ARRB1: variants seen among roughly 807,000 people sequenced by gnomAD.
The protein encoded by ARRB1 is beta-arrestin-1.
A neutral mutation model predicts 56.8 loss-of-function variants in ARRB1; 21 were observed. The observed-to-expected ratio is 0.37, with a 90% CI of 0.26 to 0.53. The LOEUF is 0.53. Ranked by LOEUF, ARRB1 falls within the 20% of genes least tolerant of loss-of-function variation. The pLI is 0.88. For missense variants in ARRB1, 424 were observed against 553.7 expected (o/e 0.77, Z 2.35); for synonymous variants, 210 against 218.6 (o/e 0.96, Z 0.35).
At chr11:75,347,556 CT>C (rs1947790593) in intron 1 of ARRB1, among the ~76,000 whole-genome samples, 1 of 152,228 alleles carries the variant, frequency 6.6e-6, no homozygotes, top group Non-Finnish European at 1.5e-5. Flanking sequence ...GGACGCACAA[CT>C]TGAGGCTGGG....
intron 1 of ARRB1, among the ~76,000 whole-genome samples, chr11:75,318,147 C>CTTT (rs547084580): frequency 3.3e-4 from 25 of 76,904 alleles, no homozygotes; most frequent in Non-Finnish European, 5.1e-4. Flanking sequence ...GCATTTCTAA[C>CTTT]TTTTTTTTTT....
intron 1 of ARRB1, among the ~76,000 whole-genome samples, chr11:75,313,886 T>C (rs1947215923): frequency 6.6e-6 from 1 of 152,154 alleles, no homozygotes. Context: ...GGCTATTGAG[T>C]GCTTCTTACG....
At position 75,290,835 on chromosome 11, in the gene ARRB1, A is replaced by T. The variant is rs181095910; in HGVS notation, c.21-796T>A. On this transcript the variant is annotated intron_variant, in intron 1 of 15. Coordinates refer to ENST00000420843, the MANE Select transcript of ARRB1 (RefSeq NM_004041.5). The stretch of plus-strand genomic sequence containing the variant: ...TGCTCAGCTGCTCTCAGACTCCTGG[A>T]CTCAAGCGATCTGCCCACCTCGACT... Among the ~76,000 whole-genome samples the T allele has an allele frequency of 5.3e-5, 8 of 152,162 alleles. No individual in the cohort carries two copies. In the East Asian group the frequency reaches 1.5e-3, roughly 29 times the overall value.
chr11:75,282,771 C>T (rs1372978510), intron 5 of ARRB1, among the ~76,000 whole-genome samples: 1 of 152,234 alleles, frequency 6.6e-6, no homozygotes. Context: ...TGACCCTCTC[C>T]ACTCTCTCAG....
intron 7 of ARRB1, among the ~76,000 whole-genome samples, chr11:75,279,601 C>T (rs574180479): frequency 6.6e-6 from 1 of 152,320 alleles, no homozygotes; most frequent in South Asian, 2.1e-4. Context: ...CTCTCTCTGC[C>T]TCTGTTCCCT....
intron 1 of ARRB1, 21 bp downstream of exon 1, chr11:75,351,567 G>A (rs987673701): frequency 4.7e-6 from 7 of 1,498,932 alleles, no homozygotes; most frequent in Non-Finnish European, 5.3e-6. Context: ...GCCCCCCGCC[G>A]GGCGGCCGCC....
chr11:75,287,535 A>G (rs551149258), intron 2 of ARRB1, among the ~76,000 whole-genome samples, 160 bp from the exon 3 acceptor site: 148 of 152,330 alleles, frequency 9.7e-4, no homozygotes, highest in Non-Finnish European at 1.6e-3. Flanking sequence ...CAGCCCTAAT[A>G]CCAAGATTCG....
At chr11:75,348,595 T>A (rs1255059300) in intron 1 of ARRB1, among the ~76,000 whole-genome samples, 2 of 151,840 alleles carry the variant, frequency 1.3e-5, no homozygotes, top group African/African-American at 4.8e-5. Context: ...CCTGTCCAGG[T>A]ATTTTTTTTT....
rs1364370766 is a variant in ARRB1 at position 75,260,148 on chromosome 11, G to C, written c.*6015C>G. ...CCTCTGCCACAAAAGACCTTTAATGGCCTCCTATTTATTGTTCTTTTGTTC... is the reference window on the plus strand; with the variant it reads ...CCTCTGCCACAAAAGACCTTTAATGCCCTCCTATTTATTGTTCTTTTGTTC... On this transcript the variant is annotated 3_prime_UTR_variant, in exon 16 of 16. Coordinates refer to ENST00000420843, the MANE Select transcript of ARRB1 (RefSeq NM_004041.5). 1.3e-5 allele frequency: 2 copies of C among 152,182 alleles called. No individual in the cohort carries two copies. Among genetic ancestry groups the C allele is most frequent in the African/African-American group, 4.8e-5 (2 of 41,430 alleles). The allele number at this position is 152,182 out of a possible 1,614,324, so 9.4% of individuals were successfully genotyped here. A position where few individuals can be genotyped will look rare whatever the true frequency, so the allele number is the denominator to read the frequency against.
rs72556395 is a variant in ARRB1, at chr11:75,283,539, C to G, written c.158-56G>C. ...CCTGGGAGAGCAGCAAGCGAGCCCC[C>G]CAGAGTGCCGGCAGCAGCCCTGGGA... On this transcript the variant is annotated intron_variant, in intron 4 of 15. Transcript: ENST00000420843. 15 of 1,502,850 alleles carry G rather than the reference C, an allele frequency of 1.0e-5. No individual in the cohort carries two copies. In the Admixed American group the frequency reaches 1.7e-4, roughly 17 times the overall value. 93.1% of individuals were successfully genotyped at this position (1,502,850 alleles called of 1,614,324 possible).
At chr11:75,274,405 T>C in intron 10 of ARRB1, 194 bp from the exon 11 acceptor site, 1 of 608,134 alleles carries the variant, frequency 1.6e-6, no homozygotes, top group Non-Finnish European at 2.9e-6. Flanking sequence ...AAGAGGCACA[T>C]CTACATTCTA....
Position 75,277,464 on chromosome 11 carries a change from A to AG in ARRB1, c.619-17dup. The stretch of plus-strand genomic sequence containing the variant: ...GGTAATAGATCTGGGGGGCATAAGA[A>AG]GGGACGGGGTTGGCTGGGAGGACAG... On this transcript the variant is annotated splice_polypyrimidine_tract_variant and intron_variant, in intron 8 of 15. Transcript: ENST00000420843. 1 of 1,612,464 alleles carries AG rather than the reference A, an allele frequency of 6.2e-7. No homozygotes were observed. Among genetic ancestry groups the AG allele is most frequent in the Non-Finnish European group, 8.5e-7 (1 of 1,178,496 alleles).
At chr11:75,281,718 G>A in intron 6 of ARRB1, 1 of 529,748 alleles carries the variant, frequency 1.9e-6, no homozygotes, top group Non-Finnish European at 3.4e-6. Flanking sequence ...TCCTGTTGCA[G>A]CCAACGCCAC....
intron 1 of ARRB1, among the ~76,000 whole-genome samples, chr11:75,327,087 G>A (rs1947447015): frequency 6.6e-6 from 1 of 151,896 alleles, no homozygotes; most frequent in South Asian, 2.1e-4. Context: ...GGCCGAGGCG[G>A]GCGGGTCACG....
intron 14 of ARRB1, among the ~76,000 whole-genome samples, chr11:75,268,333 C>T (rs1249952394): frequency 6.6e-6 from 1 of 151,716 alleles, no homozygotes; most frequent in Non-Finnish European, 1.5e-5. Flanking sequence ...GGTGAAACCC[C>T]GTCTCTACTA....
intron 1 of ARRB1, among the ~76,000 whole-genome samples, chr11:75,292,141 T>TTTAC (rs1038108431): frequency 5.3e-5 from 8 of 150,818 alleles, no homozygotes; most frequent in Non-Finnish European, 7.4e-5. Flanking sequence ...TATTTATTTA[T>TTTAC]TTATTTATAT....
intron 1 of ARRB1, among the ~76,000 whole-genome samples, chr11:75,329,268 T>G (rs1443318780): frequency 2.0e-5 from 3 of 151,978 alleles, no homozygotes; most frequent in Non-Finnish European, 4.4e-5. Context: ...GTCTAGCTAA[T>G]TTTTTGTATT....
chr11:75,344,279 C>A (rs968428574), intron 1 of ARRB1, among the ~76,000 whole-genome samples: 1 of 152,192 alleles, frequency 6.6e-6, no homozygotes, highest in African/African-American at 2.4e-5. Context: ...TGGTCTCAGT[C>A]CCACTGGCCT....
intron 1 of ARRB1, among the ~76,000 whole-genome samples, chr11:75,332,783 T>A (rs1247777145): frequency 6.6e-6 from 1 of 151,960 alleles, no homozygotes; most frequent in African/African-American, 2.4e-5. Context: ...TAGTCCCAGC[T>A]ACTCAGGAGG....
Sources: gnomAD v4.1 joint callset for allele counts (sites outside exome capture counted in the v4.1 genomes callset) on GRCh38, gnomAD v4.1.1 for gene constraint, MANE v1.5 for transcripts, NCBI Gene and HGNC (gene_info 2026-07-23, HGNC 2026-07-21) for gene names.